RBFOX1: variants seen among roughly 807,000 people sequenced by gnomAD.
RBFOX1 encodes the protein RNA binding fox-1 homolog 1.
In RBFOX1, 8 loss-of-function variants were observed where a neutral mutation model predicts 57.7. That is an observed-to-expected ratio of 0.14 (90% CI 0.08 to 0.25). The LOEUF is 0.25. Among genes scored for constraint, RBFOX1 ranks in the 10% least tolerant of loss-of-function variants. The probability of loss-of-function intolerance (pLI) is 1.00; values close to 1 mark genes in which losing one functional copy is unlikely to be tolerated. For missense variants in RBFOX1, 611 were observed against 548.5 expected, an observed-to-expected ratio of 1.11 and a Z score of -1.14; for synonymous variants, 326 against 222.4, an observed-to-expected ratio of 1.47 and a Z score of -4.15.
At chr16:6,757,520 A>C (rs1001595857) in intron 3 of RBFOX1, among the ~76,000 whole-genome samples, 3 of 152,192 alleles carry the variant, frequency 2.0e-5, no homozygotes, top group African/African-American at 7.2e-5. Context: ...GAGGGAGGTC[A>C]TTATGTTAAC....
intron 1 of RBFOX1, among the ~76,000 whole-genome samples, chr16:6,290,449 A>C (rs1270027722): frequency 2.0e-5 from 3 of 151,944 alleles, no homozygotes; most frequent in African/African-American, 7.3e-5. Context: ...CTTTTTTATG[A>C]ATTTTGCTGC....
chr16:6,806,831 TATATA>T (rs1244247894), intron 3 of RBFOX1, among the ~76,000 whole-genome samples: 2 of 77,770 alleles, frequency 2.6e-5, no homozygotes, highest in South Asian at 3.7e-4. Flanking sequence ...TATATATATA[TATATA>T]TTTTTTTTTT....
chr16:7,685,916 C>G (rs1002362148), intron 14 of RBFOX1, among the ~76,000 whole-genome samples: 1 of 151,970 alleles, frequency 6.6e-6, no homozygotes, highest in African/African-American at 2.4e-5. Flanking sequence ...AATAGGATTA[C>G]AGATTGAGAT....
intron 3 of RBFOX1, among the ~76,000 whole-genome samples, chr16:5,731,198 C>T (rs1250099686): frequency 2.6e-5 from 4 of 151,626 alleles, no homozygotes; most frequent in East Asian, 1.9e-4. Context: ...CCAGTGTCAC[C>T]GTTATCATCA....
intron 4 of RBFOX1, among the ~76,000 whole-genome samples, chr16:7,124,517 C>T (rs2067957602): frequency 2.0e-5 from 2 of 97,582 alleles, no homozygotes; most frequent in African/African-American, 3.7e-5. Flanking sequence ...CTCCCCTCCC[C>T]TCCCCTCCCC....
At chr16:5,793,774 T>TATGTGC (rs199941776) in intron 3 of RBFOX1, among the ~76,000 whole-genome samples, 16 of 152,110 alleles carry the variant, frequency 1.1e-4, no homozygotes, top group Non-Finnish European at 5.9e-5. Context: ...TGCATGTGTG[T>TATGTGC]ATGTGCATGT....
At position 7,152,856 on chromosome 16, in the gene RBFOX1, AG is replaced by A. The variant is rs2076360608; in HGVS notation, c.27+100760del. Reference sequence around the variant, plus strand: ...GTGGGTGGCACCGAGTCTTGCATGAAGGCACTTAATCATTTGCAAGACTCAA... The same window carrying A: ...GTGGGTGGCACCGAGTCTTGCATGAAGCACTTAATCATTTGCAAGACTCAA... On this transcript the variant is annotated intron_variant, in intron 4 of 15. Transcript: ENST00000550418. Among the ~76,000 whole-genome samples, 4 of 152,200 alleles carry A rather than the reference AG, an allele frequency of 2.6e-5. No individual in the cohort carries two copies. The South Asian group carries it at 6.2e-4, about 24-fold the overall frequency.
At chr16:5,383,669 C>T (rs1288543239) in intron 1 of RBFOX1, among the ~76,000 whole-genome samples, 1 of 152,150 alleles carries the variant, frequency 6.6e-6, no homozygotes, top group Non-Finnish European at 1.5e-5. Flanking sequence ...AATTTCATTG[C>T]AACACATGTT....
chr16:6,757,092 A>C (rs112783425), intron 3 of RBFOX1, among the ~76,000 whole-genome samples: 1 of 152,214 alleles, frequency 6.6e-6, no homozygotes, highest in African/African-American at 2.4e-5. Flanking sequence ...TCAAAACCTC[A>C]ATGACGTATA....
rs140046972 is a variant in RBFOX1, at chr16:5,777,281, A to G, written c.319-90022A>G. 1.1e-4 allele frequency among the ~76,000 whole-genome samples: 17 copies of G among 152,296 alleles called. No individual in the cohort carries two copies. The East Asian group carries it at 3.3e-3, about 29-fold the overall frequency. Reference sequence around the variant, plus strand: ...CCTTCCTCTACCTTCATAGTCAGCAACAGATAATCTTCAAGTCTTTTAATT... The same window carrying G: ...CCTTCCTCTACCTTCATAGTCAGCAGCAGATAATCTTCAAGTCTTTTAATT... On this transcript the variant is annotated intron_variant, in intron 3 of 19. Transcript: ENST00000641259.
At chr16:7,091,347 A>T (rs1189637843) in intron 4 of RBFOX1, among the ~76,000 whole-genome samples, 1 of 151,094 alleles carries the variant, frequency 6.6e-6, no homozygotes. Flanking sequence ...TTCACACTTC[A>T]TCCTCACCTT....
intron 4 of RBFOX1, among the ~76,000 whole-genome samples, chr16:7,464,757 C>G (rs1345152694): frequency 8.0e-6 from 1 of 124,674 alleles, no homozygotes; most frequent in African/African-American, 3.1e-5. Flanking sequence ...AGTGCAGTCG[C>G]GTGATCTCGG....
intron 11 of RBFOX1, among the ~76,000 whole-genome samples, chr16:7,648,686 G>A (rs1175905171): frequency 6.6e-6 from 1 of 152,130 alleles, no homozygotes; most frequent in Non-Finnish European, 1.5e-5. Context: ...ATGGTCTGGG[G>A]CTATATGGAA....
intron 4 of RBFOX1, among the ~76,000 whole-genome samples, chr16:6,003,540 G>A (rs2060638782): frequency 6.6e-6 from 1 of 151,776 alleles, no homozygotes; most frequent in South Asian, 2.1e-4. Flanking sequence ...GGAGTCTAGG[G>A]TCATTGCTCC....
At chr16:7,441,304 C>T (rs1335377701) in intron 4 of RBFOX1, among the ~76,000 whole-genome samples, 1 of 152,144 alleles carries the variant, frequency 6.6e-6, no homozygotes, top group African/African-American at 2.4e-5. Flanking sequence ...GAGCTGTTAG[C>T]ATATTAGTTC....
chr16:7,438,117 A>G lies in RBFOX1; in HGVS notation c.28-80030A>G, dbSNP rs187424537. On this transcript the variant is annotated intron_variant, in intron 4 of 15. Coordinates refer to ENST00000550418, the MANE Select transcript of RBFOX1 (RefSeq NM_018723.4). ...CTTGTCTGACATCAGCTATTAAAAT[A>G]CAAGTAAATCTTGGCAGGTGGGAAT... is the stretch of plus-strand genomic sequence containing the variant. Among the ~76,000 whole-genome samples the G allele has an allele frequency of 3.3e-5, 5 of 152,328 alleles. No individual in the cohort carries two copies. In the East Asian group the frequency reaches 9.6e-4, roughly 29 times the overall value.
At chr16:5,869,744 AAGG>A (rs1273860930) in intron 4 of RBFOX1, among the ~76,000 whole-genome samples, 28 of 152,286 alleles carry the variant, frequency 1.8e-4, no homozygotes, top group African/African-American at 5.1e-4. Context: ...CTGTTGAAAA[AAGG>A]AGGTCTGAGG....
intron 1 of RBFOX1, among the ~76,000 whole-genome samples, chr16:6,229,240 G>T (rs534951649): frequency 7.0e-4 from 107 of 152,104 alleles, no homozygotes; most frequent in African/African-American, 2.5e-3. Context: ...TTAAAATAGA[G>T]AGCAAAACTC....
intron 2 of RBFOX1, among the ~76,000 whole-genome samples, chr16:5,524,024 C>A (rs1421692764): frequency 6.6e-6 from 1 of 152,206 alleles, no homozygotes; most frequent in African/African-American, 2.4e-5. Flanking sequence ...GCTAGATAAT[C>A]CGCCAGCACC....
Sources: gnomAD v4.1 joint callset for allele counts (sites outside exome capture counted in the v4.1 genomes callset) on GRCh38, gnomAD v4.1.1 for gene constraint, MANE v1.5 for transcripts, NCBI Gene and HGNC (gene_info 2026-07-23, HGNC 2026-07-21) for gene names.